The following KLF12 variants were observed in gnomAD, a reference collection of about 807,000 sequenced individuals.
KLF12 encodes the protein Krueppel-like factor 12.
In KLF12, 9 loss-of-function variants were observed where a neutral mutation model predicts 37.8. That is an observed-to-expected ratio of 0.24 (90% CI 0.14 to 0.42). The LOEUF is 0.42. Ranked by LOEUF, KLF12 falls within the 10% of genes least tolerant of loss-of-function variation. The probability of loss-of-function intolerance (pLI) is 1.00; values close to 1 mark genes in which losing one functional copy is unlikely to be tolerated. For missense variants in KLF12, 411 were observed against 516.0 expected (o/e 0.80, Z 1.97); for synonymous variants, 208 against 202.1 (o/e 1.03, Z -0.25).
chr13:73,739,503 G>A (rs1208946802), intron 6 of KLF12, among the ~76,000 whole-genome samples: 1 of 152,072 alleles, frequency 6.6e-6, no homozygotes, highest in Non-Finnish European at 1.5e-5. Flanking sequence ...GCTCATGTAA[G>A]ATGTAGAAGT....
At chr13:74,031,141 C>A (rs1893100990) in intron 1 of KLF12, among the ~76,000 whole-genome samples, 2 of 152,122 alleles carry the variant, frequency 1.3e-5, no homozygotes, top group Non-Finnish European at 2.9e-5. Flanking sequence ...TTCCTTGGAC[C>A]ATCAAAGCCC....
the KLF12 span, among the ~76,000 whole-genome samples, chr13:74,296,139 CT>C: frequency 0.19 from 27,794 of 145,220 alleles, 2,779 homozygotes; most frequent in South Asian, 0.33. Flanking sequence ...TTTTGTAGCA[CT>C]TTTTTTTTTT....
chr13:74,218,515 A>G, the KLF12 span, among the ~76,000 whole-genome samples: 1 of 152,210 alleles, frequency 6.6e-6, no homozygotes, highest in Non-Finnish European at 1.5e-5. Context: ...TCCCAGGTTC[A>G]CATGGTTTGA....
the KLF12 span, chr13:74,258,847 T>G: frequency 6.6e-6 from 1 of 152,220 alleles, no homozygotes; most frequent in Non-Finnish European, 1.5e-5. Context: ...TGCAAGCAGT[T>G]TTTTTGGAGT....
chr13:74,112,563 AT>A (rs1042289920), intron 1 of KLF12, among the ~76,000 whole-genome samples: 3 of 152,048 alleles, frequency 2.0e-5, no homozygotes, highest in Admixed American at 2.0e-4. Flanking sequence ...TTGCATCTGT[AT>A]TGGTGACCTG....
chr13:74,210,021 A>G, the KLF12 span, among the ~76,000 whole-genome samples: 1 of 152,204 alleles, frequency 6.6e-6, no homozygotes. Context: ...CTGCATATGT[A>G]TGAATTTTGT....
intron 1 of KLF12, among the ~76,000 whole-genome samples, chr13:74,074,366 G>A (rs1014318514): frequency 6.6e-6 from 1 of 152,194 alleles, no homozygotes; most frequent in Non-Finnish European, 1.5e-5. Flanking sequence ...TCTGCCAAGA[G>A]GCCAAACAGG....
chr13:73,730,127 C>A (rs979233581), intron 6 of KLF12, among the ~76,000 whole-genome samples: 1 of 152,100 alleles, frequency 6.6e-6, no homozygotes, highest in African/African-American at 2.4e-5. Flanking sequence ...AAGACAGATG[C>A]CGAGGGACTC....
the KLF12 span, among the ~76,000 whole-genome samples, chr13:74,163,110 G>T: frequency 3.9e-5 from 6 of 152,206 alleles, no homozygotes; most frequent in South Asian, 8.3e-4. Flanking sequence ...GTGAGAAAAG[G>T]TTACCCCTGT....
At chr13:73,700,761 A>G (rs1593974855) in intron 7 of KLF12, among the ~76,000 whole-genome samples, 1 of 152,224 alleles carries the variant, frequency 6.6e-6, no homozygotes, top group South Asian at 2.1e-4. Flanking sequence ...AACAGGAAAG[A>G]AAGTCTATAA....
upstream of KLF12, among the ~76,000 whole-genome samples, chr13:74,134,674 C>T (rs1440410952): frequency 2.0e-5 from 3 of 151,830 alleles, no homozygotes; most frequent in Non-Finnish European, 2.9e-5. Flanking sequence ...CGAGGGGGCC[C>T]GCGGGGGCTT....
In KLF12 at chr13:74,056,344, G is replaced by C. The variant is rs1001400501; in HGVS notation, c.-31-61291C>G. Among the ~76,000 whole-genome samples the C allele has an allele frequency of 3.3e-5, 5 of 152,282 alleles. 1 individual carries two copies. The East Asian group carries it at 9.7e-4, about 29-fold the overall frequency. On this transcript the variant is annotated intron_variant, in intron 1 of 7. Transcript: ENST00000377669. ...CACTTCTTTCTAAAGCATCTGTTAG[G>C]GGATTTGTTCCTGTATGTTCGTTGG... is the stretch of plus-strand genomic sequence containing the variant.
intron 4 of KLF12, among the ~76,000 whole-genome samples, chr13:73,818,212 C>A (rs368714420): frequency 6.6e-6 from 1 of 152,260 alleles, no homozygotes; most frequent in East Asian, 1.9e-4. Flanking sequence ...ATGGCGCGAT[C>A]TCGGCTCACT....
At chr13:73,938,184 C>T (rs1459823558) in intron 3 of KLF12, among the ~76,000 whole-genome samples, 2 of 152,068 alleles carry the variant, frequency 1.3e-5, no homozygotes, top group Admixed American at 1.3e-4. Context: ...GCCCTTTTTT[C>T]ACTTCTGATA....
chr13:73,716,705 T>C (rs1875837717), intron 6 of KLF12, among the ~76,000 whole-genome samples: 3 of 152,234 alleles, frequency 2.0e-5, no homozygotes, highest in African/African-American at 7.2e-5. Context: ...GTCATATGAA[T>C]AATATCATGC....
At chr13:73,753,391 C>T (rs777662836) in intron 6 of KLF12, among the ~76,000 whole-genome samples, 20 of 152,182 alleles carry the variant, frequency 1.3e-4, no homozygotes, top group Non-Finnish European at 2.5e-4. Flanking sequence ...TTTCAAGAGG[C>T]ATTTTCTGGC....
chr13:74,119,886 C>T (rs1008510288), intron 1 of KLF12, among the ~76,000 whole-genome samples: 14 of 151,458 alleles, frequency 9.2e-5, no homozygotes, highest in Non-Finnish European at 1.6e-4. Context: ...GATAACACAC[C>T]TATATGCATC....
intron 3 of KLF12, among the ~76,000 whole-genome samples, chr13:73,893,067 CTGAT>C (rs1887588845): frequency 6.6e-6 from 1 of 151,626 alleles, no homozygotes; most frequent in Non-Finnish European, 1.5e-5. Flanking sequence ...ATTCTGCTGA[CTGAT>C]TATCAGCCCC....
At chr13:73,738,112 T>TATATGTATGTGTAC (rs1877632192) in intron 6 of KLF12, among the ~76,000 whole-genome samples, 42 of 74,734 alleles carry the variant, frequency 5.6e-4, no homozygotes, top group African/African-American at 2.5e-3. Flanking sequence ...TATATATATA[T>TATATGTATGTGTAC]ATATATATAT....
Sources: gnomAD v4.1 joint callset for allele counts (sites outside exome capture counted in the v4.1 genomes callset) on GRCh38, gnomAD v4.1.1 for gene constraint, MANE v1.5 for transcripts, NCBI Gene and HGNC (gene_info 2026-07-23, HGNC 2026-07-21) for gene names.